Variants in FGF10 observed in about 807,000 individuals in gnomAD.
The protein encoded by FGF10 is FGF-10.
A neutral mutation model predicts 19.8 loss-of-function variants in FGF10; 2 were observed. That is an observed-to-expected ratio of 0.10 (90% CI 0.04 to 0.32). The LOEUF is 0.32. Among genes scored for constraint, FGF10 ranks in the 10% least tolerant of loss-of-function variants. The probability of loss-of-function intolerance (pLI) is 1.00; values close to 1 mark genes in which losing one functional copy is unlikely to be tolerated. For missense variants in FGF10, 191 were observed against 246.3 expected, an observed-to-expected ratio of 0.78 and a Z score of 1.50; for synonymous variants, 112 against 94.0, an observed-to-expected ratio of 1.19 and a Z score of -1.10.
intron 1 of FGF10, among the ~76,000 whole-genome samples, chr5:44,334,097 T>A (rs1740794857): frequency 6.6e-6 from 1 of 152,114 alleles, no homozygotes. Flanking sequence ...CTTATAATAA[T>A]GGTAAATATT....
intron 1 of FGF10, among the ~76,000 whole-genome samples, chr5:44,315,090 T>A (rs1467773840): frequency 1.3e-5 from 2 of 151,690 alleles, no homozygotes; most frequent in Admixed American, 1.3e-4. Flanking sequence ...TAGCTCTCAT[T>A]CTGAAGGTTA....
chr5:44,309,048 G>GT (rs1339418788), intron 2 of FGF10, among the ~76,000 whole-genome samples: 1 of 152,068 alleles, frequency 6.6e-6, no homozygotes, highest in Non-Finnish European at 1.5e-5. Flanking sequence ...AATCAACAAA[G>GT]TAAGTTTATT....
At chr5:44,386,701 C>A (rs989416197) in intron 1 of FGF10, among the ~76,000 whole-genome samples, 2 of 152,068 alleles carry the variant, frequency 1.3e-5, no homozygotes, top group Non-Finnish European at 2.9e-5. Flanking sequence ...TACTTAATAT[C>A]TTTAGTATGA....
chr5:44,311,946 A>G (rs1740220004), intron 1 of FGF10, among the ~76,000 whole-genome samples: 1 of 152,080 alleles, frequency 6.6e-6, no homozygotes, highest in South Asian at 2.1e-4. Flanking sequence ...GGAGGCCAAT[A>G]GAAATGCTTG....
intron 1 of FGF10, among the ~76,000 whole-genome samples, chr5:44,315,940 G>A (rs1190955061): frequency 6.6e-6 from 1 of 152,110 alleles, no homozygotes; most frequent in Admixed American, 6.6e-5. Context: ...AAACATTATG[G>A]GAACTGTAAT....
intron 1 of FGF10, among the ~76,000 whole-genome samples, chr5:44,326,565 A>ATT (rs563550286): frequency 6.9e-6 from 1 of 145,192 alleles, no homozygotes; most frequent in Non-Finnish European, 1.5e-5. Flanking sequence ...TGCCCAGCTA[A>ATT]TTTTTTTTTT....
At chr5:44,333,520 G>A (rs1299579051) in intron 1 of FGF10, among the ~76,000 whole-genome samples, 1 of 152,122 alleles carries the variant, frequency 6.6e-6, no homozygotes, top group Non-Finnish European at 1.5e-5. Context: ...GCATCACTAT[G>A]TCCTTGACCC....
chr5:44,318,554 C>T (rs375507700), intron 1 of FGF10, among the ~76,000 whole-genome samples: 12 of 152,076 alleles, frequency 7.9e-5, no homozygotes, highest in Admixed American at 6.6e-5. Flanking sequence ...TGTCTTCTCG[C>T]GAGCATTGGA....
intron 2 of FGF10, among the ~76,000 whole-genome samples, chr5:44,305,968 T>G (rs1579890248): frequency 6.6e-6 from 1 of 152,260 alleles, no homozygotes; most frequent in African/African-American, 2.4e-5. Flanking sequence ...CCATAGAGCT[T>G]TGGTTTTGTT....
intron 1 of FGF10, among the ~76,000 whole-genome samples, chr5:44,319,905 C>A (rs534890692): frequency 3.9e-5 from 6 of 152,268 alleles, no homozygotes; most frequent in Admixed American, 2.0e-4. Flanking sequence ...GGCTGCACAG[C>A]AGGAAGTGGC....
chr5:44,322,887 G>A (rs538192045), intron 1 of FGF10, among the ~76,000 whole-genome samples: 9 of 151,858 alleles, frequency 5.9e-5, no homozygotes, highest in East Asian at 1.9e-4. Context: ...AATAAAGTAC[G>A]CAATAAAAGT....
chr5:44,378,002 T>G (rs1452853961), intron 1 of FGF10, among the ~76,000 whole-genome samples: 1 of 152,232 alleles, frequency 6.6e-6, no homozygotes, highest in Non-Finnish European at 1.5e-5. Context: ...TGATAAGCAA[T>G]CATTTTCTTA....
chr5:44,317,728 T>A (rs529686412), intron 1 of FGF10, among the ~76,000 whole-genome samples: 8 of 152,290 alleles, frequency 5.3e-5, no homozygotes, highest in African/African-American at 1.9e-4. Context: ...CTTGACTTTT[T>A]TTTTCTAATT....
chr5:44,354,014 A>G (rs1416181000), intron 1 of FGF10, among the ~76,000 whole-genome samples: 3 of 151,486 alleles, frequency 2.0e-5, no homozygotes, highest in Non-Finnish European at 1.5e-5. Flanking sequence ...ATAAAGATAG[A>G]GTAAGATAGT....
chr5:44,370,160 A>G (rs1741712114), intron 1 of FGF10, among the ~76,000 whole-genome samples: 2 of 152,240 alleles, frequency 1.3e-5, no homozygotes, highest in Middle Eastern at 3.4e-3. Flanking sequence ...GCCTGTTATT[A>G]CTACCTATTT....
At position 44,388,232 on chromosome 5, in the gene FGF10, A is replaced by C. The variant is rs947004888; in HGVS notation, c.325+126T>G. The stretch of plus-strand genomic sequence containing the variant: ...GGGTGAATTAGTGTGAAAGTATTCC[A>C]CTTAATCATTTTACAGGGGTTGGGG... On this transcript the variant is annotated intron_variant, in intron 1 of 2. Coordinates refer to ENST00000264664, the MANE Select transcript of FGF10 (RefSeq NM_004465.2). The C allele has an allele frequency of 3.7e-5, 33 of 890,404 alleles. No homozygotes were observed. The Admixed American group carries it at 5.3e-4, about 14-fold the overall frequency. The allele number at this position is 890,404 out of a possible 1,614,324, so 55.2% of individuals were successfully genotyped here. A position where few individuals can be genotyped will look rare whatever the true frequency, so the allele number is the denominator to read the frequency against.
rs1429390732 is a variant in FGF10, at chr5:44,388,558, T to A, written c.125A>T (p.Gln42Leu). 6.2e-7 allele frequency: 1 copy of A among 1,614,134 alleles called. No homozygotes were observed. The highest frequency in any genetic ancestry group is 2.2e-5 in the East Asian group (1 of 44,846). ...GGTGGCCTCTGGTGACACCATGTCC[T>A]GACCAAGGGCTTGGCAGGTGACAGG... is the stretch of plus-strand genomic sequence containing the variant. The part of the protein sequence containing the change: ...SVPVTCQALG[Q>L]DMVSPEATNS... The change falls in exon 1 of 3, where the codon CAG becomes CTG. Residue 42 changes from glutamine to leucine, a missense_variant. Physicochemically the swap from Gln to Leu is moderately radical, Grantham distance 113. Coordinates refer to ENST00000264664, the MANE Select transcript of FGF10 (RefSeq NM_004465.2).
At chr5:44,327,130 T>A (rs1481928019) in intron 1 of FGF10, among the ~76,000 whole-genome samples, 1 of 152,196 alleles carries the variant, frequency 6.6e-6, no homozygotes, top group African/African-American at 2.4e-5. Context: ...GGCTGAATCC[T>A]CCCATTATTT....
intron 1 of FGF10, among the ~76,000 whole-genome samples, chr5:44,332,601 T>C (rs758244038): frequency 4.7e-4 from 72 of 152,278 alleles, no homozygotes; most frequent in Non-Finnish European, 8.7e-4. Flanking sequence ...CTAGAGTAGT[T>C]AACAAGTTTG....
Sources: allele counts gnomAD v4.1 joint callset (sites outside exome capture counted in the v4.1 genomes callset), GRCh38; gene constraint gnomAD v4.1.1; transcripts MANE v1.5; gene names NCBI Gene and HGNC (gene_info 2026-07-23, HGNC 2026-07-21).